Variants in EXOC6B observed in about 807,000 individuals in gnomAD.
The protein encoded by EXOC6B is exocyst complex component 6B, also known as SEC15 homolog B.
Under a neutral mutation model 113.5 loss-of-function variants are expected in EXOC6B, and 54 were observed. The observed-to-expected ratio is 0.48, with a 90% CI of 0.38 to 0.60. The LOEUF (loss-of-function observed/expected upper bound fraction) is 0.60, where lower values mean the gene tolerates loss of function less well. Ranked by LOEUF, EXOC6B falls within the 20% of genes least tolerant of loss-of-function variation. EXOC6B has a pLI of 0.00. For missense variants in EXOC6B, 797 were observed against 977.5 expected, an observed-to-expected ratio of 0.82 and a Z score of 2.46; for synonymous variants, 357 against 339.0, an observed-to-expected ratio of 1.05 and a Z score of -0.58.
chr2:72,353,550 T>C (rs1050552140), intron 19 of EXOC6B, among the ~76,000 whole-genome samples: 2 of 152,016 alleles, frequency 1.3e-5, no homozygotes, highest in Non-Finnish European at 2.9e-5. Flanking sequence ...TTTTTTGTAC[T>C]TTTAGTAGAG....
At chr2:72,239,391 C>T (rs1269860971) in intron 20 of EXOC6B, among the ~76,000 whole-genome samples, 1 of 152,144 alleles carries the variant, frequency 6.6e-6, no homozygotes, top group African/African-American at 2.4e-5. Context: ...CATTCCTTTA[C>T]CTGTGGATAT....
chr2:72,482,895 AAT>A (rs1699189573), intron 16 of EXOC6B, among the ~76,000 whole-genome samples: 1 of 152,212 alleles, frequency 6.6e-6, no homozygotes, highest in Non-Finnish European at 1.5e-5. Context: ...ACAGCGATAC[AAT>A]TCGAATAAAT....
intron 16 of EXOC6B, among the ~76,000 whole-genome samples, chr2:72,485,426 C>T (rs1354771605): frequency 2.0e-5 from 3 of 152,162 alleles, no homozygotes; most frequent in African/African-American, 7.2e-5. Flanking sequence ...TGCCTCTCAA[C>T]TGTTAAATTT....
At chr2:72,191,254 A>G (rs1272919191) in intron 20 of EXOC6B, among the ~76,000 whole-genome samples, 1 of 151,982 alleles carries the variant, frequency 6.6e-6, no homozygotes, top group Non-Finnish European at 1.5e-5. Context: ...TATCTGTGTG[A>G]CTCTTAACTA....
At chr2:72,224,217 A>G (rs188707132) in intron 20 of EXOC6B, among the ~76,000 whole-genome samples, 2 of 152,356 alleles carry the variant, frequency 1.3e-5, no homozygotes, top group East Asian at 3.9e-4. Flanking sequence ...ATTAGCAAAT[A>G]AATTAAAAAT....
chr2:72,503,200 T>C (rs1264071712), intron 11 of EXOC6B, among the ~76,000 whole-genome samples: 2 of 152,206 alleles, frequency 1.3e-5, no homozygotes, highest in Non-Finnish European at 2.9e-5. Flanking sequence ...CACAAAATTA[T>C]TAAACAAAAC....
chr2:72,436,265 C>T (rs1417585919), intron 18 of EXOC6B, among the ~76,000 whole-genome samples: 1 of 152,184 alleles, frequency 6.6e-6, no homozygotes, highest in Non-Finnish European at 1.5e-5. Flanking sequence ...GCAGAGAGAT[C>T]TGCTGTTAGT....
intron 7 of EXOC6B, among the ~76,000 whole-genome samples, chr2:72,562,054 C>A (rs921130547): frequency 6.6e-6 from 1 of 152,138 alleles, no homozygotes; most frequent in African/African-American, 2.4e-5. Context: ...CTATGCTCCC[C>A]TCTGTGAAGA....
intron 6 of EXOC6B, among the ~76,000 whole-genome samples, chr2:72,588,664 A>G: frequency 6.6e-6 from 1 of 151,918 alleles, no homozygotes; most frequent in East Asian, 1.9e-4. Context: ...ACCACACTGG[A>G]AAAAAAATCA....
chr2:72,357,906 T>C (rs1690066105), intron 19 of EXOC6B, among the ~76,000 whole-genome samples: 1 of 152,164 alleles, frequency 6.6e-6, no homozygotes, highest in South Asian at 2.1e-4. Context: ...CATTTAGGTT[T>C]GTATAAGTAC....
intron 20 of EXOC6B, among the ~76,000 whole-genome samples, chr2:72,273,246 G>C (rs6719255): frequency 6.6e-6 from 1 of 151,928 alleles, no homozygotes. Flanking sequence ...CATCTATCTC[G>C]TTGGAAATTA....
chr2:72,379,682 G>T, intron 19 of EXOC6B, 47 bp downstream of exon 19: 2 of 1,546,146 alleles, frequency 1.3e-6, no homozygotes, highest in South Asian at 1.2e-5. Flanking sequence ...TGACAGAAAT[G>T]AGTTTGCTGG....
chr2:72,488,845 A>C (rs947185950), intron 16 of EXOC6B, among the ~76,000 whole-genome samples: 4 of 152,168 alleles, frequency 2.6e-5, no homozygotes, highest in African/African-American at 9.7e-5. Flanking sequence ...TATAAGTCAG[A>C]TCAAGTCATT....
rs1006032251 is a variant in EXOC6B at position 72,315,633 on chromosome 2, A to C, written c.2196+19314T>G. Among the ~76,000 whole-genome samples, 2 of 152,162 alleles carry C rather than the reference A, an allele frequency of 1.3e-5. 1 individual carries two copies. Among genetic ancestry groups the C allele is most frequent in the East Asian group, 3.9e-4 (2 of 5,190 alleles). ...AAGTGGTTGGTTTCTGGTATATTTT[A>C]AAGAGGGAGAAAACATAATTTGCTG... On this transcript the variant is annotated intron_variant, in intron 20 of 21. Coordinates refer to ENST00000272427, the MANE Select transcript of EXOC6B (RefSeq NM_015189.3).
intron 2 of EXOC6B, among the ~76,000 whole-genome samples, chr2:72,733,639 A>C (rs914777519): frequency 6.6e-6 from 1 of 152,148 alleles, no homozygotes; most frequent in African/African-American, 2.4e-5. Context: ...CATTTTTCCA[A>C]TATAATCTCT....
chr2:72,799,252 A>AAC (rs1368062150), intron 1 of EXOC6B, among the ~76,000 whole-genome samples: 4 of 148,384 alleles, frequency 2.7e-5, no homozygotes, highest in African/African-American at 9.9e-5. Context: ...AAAAAAAAAA[A>AAC]AAAAAAAAAC....
chr2:72,182,301 T>G (rs1486803920), intron 21 of EXOC6B, among the ~76,000 whole-genome samples: 1 of 152,090 alleles, frequency 6.6e-6, no homozygotes, highest in Non-Finnish European at 1.5e-5. Context: ...GATCCAGAGA[T>G]TCCTGGGAAC....
chr2:72,594,784 T>C (rs184313191), intron 6 of EXOC6B, among the ~76,000 whole-genome samples: 298 of 152,226 alleles, frequency 2.0e-3, no homozygotes, highest in African/African-American at 6.9e-3. Context: ...ATGGTTAAAA[T>C]AAATGGATTT....
intron 7 of EXOC6B, among the ~76,000 whole-genome samples, chr2:72,562,253 G>C (rs1703931251): frequency 6.6e-6 from 1 of 152,100 alleles, no homozygotes; most frequent in Non-Finnish European, 1.5e-5. Context: ...GAATGCTACA[G>C]GTTTGGAAGA....
Sources: gnomAD v4.1 joint callset for allele counts (sites outside exome capture counted in the v4.1 genomes callset) on GRCh38, gnomAD v4.1.1 for gene constraint, MANE v1.5 for transcripts, NCBI Gene and HGNC (gene_info 2026-07-23, HGNC 2026-07-21) for gene names.